PPM1E: variants seen among roughly 807,000 people sequenced by gnomAD.
The protein encoded by PPM1E is protein phosphatase 1E.
A neutral mutation model predicts 65.9 loss-of-function variants in PPM1E; 20 were observed. The observed-to-expected ratio is 0.30, with a 90% confidence interval of 0.21 to 0.44. The LOEUF (loss-of-function observed/expected upper bound fraction) is 0.44. Among genes scored for constraint, PPM1E ranks in the 20% least tolerant of loss-of-function variants. The pLI is 1.00. For missense variants in PPM1E, 713 were observed against 953.1 expected (o/e 0.75, Z 3.32); for synonymous variants, 352 against 374.9 (o/e 0.94, Z 0.70).
At chr17:58,922,062 A>G (rs2051759706) in intron 1 of PPM1E, among the ~76,000 whole-genome samples, 3 of 151,752 alleles carry the variant, frequency 2.0e-5, no homozygotes, top group African/African-American at 7.3e-5. Context: ...AAAAGAAAAA[A>G]AAAAAGTGTA....
intron 1 of PPM1E, among the ~76,000 whole-genome samples, chr17:58,952,647 C>T (rs2052255368): frequency 6.6e-6 from 1 of 152,082 alleles, no homozygotes; most frequent in Non-Finnish European, 1.5e-5. Flanking sequence ...AAGGGCAGCC[C>T]GTGGGGCTGG....
intron 1 of PPM1E, among the ~76,000 whole-genome samples, chr17:58,781,194 G>C (rs1231183505): frequency 6.8e-6 from 1 of 146,142 alleles, no homozygotes; most frequent in African/African-American, 2.5e-5. Flanking sequence ...AGGCTGGAGT[G>C]CAGTGTCACG....
intron 1 of PPM1E, among the ~76,000 whole-genome samples, chr17:58,893,859 C>G (rs1279886072): frequency 1.3e-5 from 2 of 152,028 alleles, no homozygotes; most frequent in African/African-American, 4.8e-5. Flanking sequence ...ACTCCTGAAG[C>G]CAGGAGTTCA....
intron 1 of PPM1E, among the ~76,000 whole-genome samples, chr17:58,832,336 A>T (rs1026718863): frequency 4.6e-5 from 7 of 152,146 alleles, no homozygotes; most frequent in Admixed American, 2.6e-4. Context: ...AGAGTAAATT[A>T]TTATCATTTT....
intron 1 of PPM1E, among the ~76,000 whole-genome samples, chr17:58,779,452 C>T (rs757264783): frequency 3.3e-5 from 5 of 152,162 alleles, no homozygotes; most frequent in African/African-American, 9.6e-5. Context: ...GGATTATAGA[C>T]GTGAGCCACC....
intron 1 of PPM1E, among the ~76,000 whole-genome samples, chr17:58,824,833 C>G (rs1308325826): frequency 6.6e-6 from 1 of 150,460 alleles, no homozygotes. Context: ...TGGTCTCAAT[C>G]TCCTGACCTC....
chr17:58,873,565 G>GTAGTATTAT (rs150532868), intron 1 of PPM1E, among the ~76,000 whole-genome samples: 2 of 141,012 alleles, frequency 1.4e-5, no homozygotes, highest in Non-Finnish European at 3.0e-5. Context: ...AATGCTCATA[G>GTAGTATTAT]TATTATTATT....
chr17:58,813,636 A>G (rs2050390343), intron 1 of PPM1E, among the ~76,000 whole-genome samples: 1 of 152,218 alleles, frequency 6.6e-6, no homozygotes, highest in African/African-American at 2.4e-5. Flanking sequence ...TGGTTTAAAG[A>G]TTAAATGGGG....
intron 1 of PPM1E, among the ~76,000 whole-genome samples, chr17:58,941,775 C>A (rs370279757): frequency 2.8e-4 from 41 of 148,312 alleles, no homozygotes; most frequent in African/African-American, 1.0e-3. Context: ...GAGGCCGAGG[C>A]GGGCAGATCA....
intron 1 of PPM1E, among the ~76,000 whole-genome samples, chr17:58,778,393 G>A (rs1369569654): frequency 1.3e-5 from 2 of 148,964 alleles, no homozygotes; most frequent in African/African-American, 4.9e-5. Context: ...AGCCACTGTG[G>A]CTGGCCATCT....
chr17:58,899,287 A>G (rs1216245246), intron 1 of PPM1E: 1 of 152,112 alleles, frequency 6.6e-6, no homozygotes, highest in Non-Finnish European at 1.5e-5. Context: ...GTGAACTATG[A>G]TTGTGCCATT....
rs977791770 is a variant in PPM1E at position 58,985,086 on chromosome 17, G to T, written c.*4055G>T. The T allele has an allele frequency of 6.6e-6, 1 of 152,596 alleles. No individual in the cohort carries two copies. The highest frequency in any genetic ancestry group is 2.4e-5 in the African/African-American group (1 of 41,428). The allele number at this position is 152,596 out of a possible 1,614,324, so 9.5% of individuals were successfully genotyped here. Reference sequence around the variant, plus strand: ...TTTGAGTTCAGTTGTAGTCATGAGTGATCCTTCATATTTTATTAAAAGTGT... The same window carrying T: ...TTTGAGTTCAGTTGTAGTCATGAGTTATCCTTCATATTTTATTAAAAGTGT... On this transcript the variant is annotated 3_prime_UTR_variant, in exon 7 of 7. Transcript: ENST00000308249.
intron 5 of PPM1E, 75 bp downstream of exon 5, chr17:58,972,350 A>C: frequency 1.4e-6 from 2 of 1,472,086 alleles, no homozygotes; most frequent in South Asian, 1.4e-5. Flanking sequence ...ATTAGGATTC[A>C]CTTACTTTTT....
At chr17:58,783,193 A>G (rs2144215406) in intron 1 of PPM1E, among the ~76,000 whole-genome samples, 1 of 152,358 alleles carries the variant, frequency 6.6e-6, no homozygotes, top group Non-Finnish European at 1.5e-5. Flanking sequence ...ACATTCAGAA[A>G]TGACAAAGCT....
At chr17:58,807,904 A>G (rs575902768) in intron 1 of PPM1E, among the ~76,000 whole-genome samples, 17 of 152,348 alleles carry the variant, frequency 1.1e-4, no homozygotes, top group African/African-American at 4.1e-4. Context: ...GGTAGGCAAA[A>G]TGTAAAGGAA....
intron 1 of PPM1E, among the ~76,000 whole-genome samples, chr17:58,902,991 A>G (rs954725309): frequency 6.6e-6 from 1 of 152,180 alleles, no homozygotes; most frequent in Non-Finnish European, 1.5e-5. Context: ...CATTATGGGA[A>G]CACATAGAAA....
At chr17:58,824,682 G>A (rs1225691291) in intron 1 of PPM1E, among the ~76,000 whole-genome samples, 5 of 150,778 alleles carry the variant, frequency 3.3e-5, no homozygotes, top group Non-Finnish European at 5.9e-5. Flanking sequence ...TCCGTCTCCC[G>A]GGTTCACACC....
In PPM1E at chr17:58,980,230, G is replaced by A; in HGVS notation, c.1467G>A (p.Arg489=). Residue 489 remains arginine, a synonymous_variant, in exon 7 of 7, where the codon AGG becomes AGA. Coordinates refer to ENST00000308249, the MANE Select transcript of PPM1E (RefSeq NM_014906.5). This position sits in a 1 kb window ranked among gnomAD's most constrained non-coding sequence, Gnocchi z 4.7. ...TCACGGTTATTGTGGTATTCCTGAG[G>A]GACATGAACAAAGCTGTAAATGTTA... The part of the protein sequence containing the change: ...DNITVIVVFL[R]DMNKAVNVSE... 6.2e-7 allele frequency: 1 copy of A among 1,614,166 alleles called. No individual in the cohort carries two copies. The highest frequency in any genetic ancestry group is 1.3e-5 in the African/African-American group (1 of 75,032).
chr17:58,951,545 A>C (rs1418292297), intron 1 of PPM1E: 1 of 152,174 alleles, frequency 6.6e-6, no homozygotes, highest in African/African-American at 2.4e-5. Flanking sequence ...CTGGTGGCTC[A>C]TGCCTGTAGT....
Sources: allele counts gnomAD v4.1 joint callset (sites outside exome capture counted in the v4.1 genomes callset), GRCh38; gene constraint gnomAD v4.1.1; non-coding constraint Gnocchi (gnomAD v3.1); transcripts MANE v1.5; gene names NCBI Gene and HGNC (gene_info 2026-07-23, HGNC 2026-07-21).